PCDHA10: variants seen among roughly 807,000 people sequenced by gnomAD.
The protein encoded by PCDHA10 is protocadherin alpha-10.
A neutral mutation model predicts 61.2 loss-of-function variants in PCDHA10; 45 were observed. The ratio of observed to expected loss-of-function variants is 0.74; its 90% confidence interval spans 0.58 to 0.94. PCDHA10 has a LOEUF of 0.94. PCDHA10 is among the 40% of genes least tolerant of loss of function. The pLI is 0.00. For synonymous variants in PCDHA10, 602 were observed against 548.8 expected, an observed-to-expected ratio of 1.10 and a Z score of -1.35; for missense variants, 1,278 against 1,236.2, an observed-to-expected ratio of 1.03 and a Z score of -0.51.
intron 1 of PCDHA10, chr5:140,871,192 G>C (rs1582019516): frequency 6.2e-7 from 1 of 1,613,550 alleles, no homozygotes; most frequent in Non-Finnish European, 8.5e-7. Context: ...GGATGTCAAC[G>C]TGTACCTGAT....
chr5:140,858,158 G>C lies in PCDHA10; in HGVS notation c.2110G>C (p.Ala704Pro). ...VNVYLIIAIC[A>P]VSSLLVLTLL... ...CGTGTACCTGATCATCGCCATCTGC[G>C]CGGTGTCCAGCTTGCTGGTGCTCAC... is the stretch of plus-strand genomic sequence containing the variant. The change falls in exon 1 of 4, where the codon GCG becomes CCG. Residue 704 changes from alanine to proline, a missense_variant. Coordinates refer to ENST00000307360, the MANE Select transcript of PCDHA10 (RefSeq NM_018901.4). 6.3e-7 allele frequency: 1 copy of C among 1,597,732 alleles called. No homozygotes were observed. Among genetic ancestry groups the C allele is most frequent in the Non-Finnish European group, 8.6e-7 (1 of 1,167,532 alleles).
At chr5:140,882,339 G>A (rs1554173610) in intron 1 of PCDHA10, 1 of 1,614,162 alleles carries the variant, frequency 6.2e-7, no homozygotes, top group Admixed American at 1.7e-5. Flanking sequence ...CTCGCAGCCT[G>A]GGAGACGGGT....
At chr5:140,869,391 C>CG (rs2051094995) in intron 1 of PCDHA10, 1 of 1,614,020 alleles carries the variant, frequency 6.2e-7, no homozygotes, top group Non-Finnish European at 8.5e-7. Context: ...AGGAGCTGTG[C>CG]GGGCAGAGCG....
intron 1 of PCDHA10, among the ~76,000 whole-genome samples, chr5:140,909,761 TC>T (rs1308608657): frequency 1.3e-5 from 2 of 152,052 alleles, no homozygotes; most frequent in Admixed American, 6.5e-5. Context: ...ACAGGATGAG[TC>T]CAGGGACCCA....
At chr5:140,863,090 C>G (rs782806970) in intron 1 of PCDHA10, 1 of 575,070 alleles carries the variant, frequency 1.7e-6, no homozygotes, top group African/African-American at 1.9e-5. Flanking sequence ...GAGATCAGCA[C>G]GACGAGTACC....
At chr5:140,992,533 C>T (rs1292844643) in intron 3 of PCDHA10, among the ~76,000 whole-genome samples, 1 of 152,188 alleles carries the variant, frequency 6.6e-6, no homozygotes, top group Non-Finnish European at 1.5e-5. Context: ...GGAAAAGTCA[C>T]TGTCACAAGT....
intron 1 of PCDHA10, chr5:140,870,939 G>C (rs555504652): frequency 6.2e-7 from 1 of 1,613,732 alleles, no homozygotes; most frequent in South Asian, 1.1e-5. Flanking sequence ...AATTGCAGCC[G>C]GCGGCGGGCG....
intron 1 of PCDHA10, chr5:140,869,568 G>C (rs1554163237): frequency 6.2e-7 from 1 of 1,614,168 alleles, no homozygotes; most frequent in East Asian, 2.2e-5. Context: ...TTCCACTAGA[G>C]GGAGCTTCTG....
intron 1 of PCDHA10, among the ~76,000 whole-genome samples, chr5:140,923,038 T>C (rs529637754): frequency 1.2e-4 from 19 of 152,316 alleles, no homozygotes; most frequent in Admixed American, 1.0e-3. Context: ...TTACTACATG[T>C]ATAGTATTTA....
intron 1 of PCDHA10, among the ~76,000 whole-genome samples, chr5:140,971,297 T>C (rs1246980755): frequency 4.6e-5 from 7 of 152,222 alleles, no homozygotes; most frequent in Non-Finnish European, 1.0e-4. Context: ...TGTACTTTGG[T>C]ACACAAACAT....
intron 1 of PCDHA10, chr5:140,877,193 G>C: frequency 6.2e-7 from 1 of 1,613,832 alleles, no homozygotes; most frequent in Non-Finnish European, 8.5e-7. Flanking sequence ...GGCAGCGCAG[G>C]AGGCGCAGTT....
chr5:140,990,825 AAGCCTATTAGCAAAAATAG>A (rs2097418390), intron 3 of PCDHA10, among the ~76,000 whole-genome samples: 1 of 152,202 alleles, frequency 6.6e-6, no homozygotes, highest in Non-Finnish European at 1.5e-5. Flanking sequence ...CTCTCAGCTA[AAGCCTATTAGCAAAAATAG>A]AGCCCTGAGG....
intron 1 of PCDHA10, among the ~76,000 whole-genome samples, chr5:140,961,096 G>A (rs1040764862): frequency 3.9e-5 from 6 of 152,222 alleles, no homozygotes; most frequent in Admixed American, 3.3e-4. Flanking sequence ...TGACTTTTTG[G>A]TCACCCAACC....
intron 1 of PCDHA10, chr5:140,871,080 G>A: frequency 6.2e-7 from 1 of 1,613,212 alleles, no homozygotes; most frequent in Non-Finnish European, 8.5e-7. Flanking sequence ...CGGCGCTGAC[G>A]GCCACGGCCA....
intron 1 of PCDHA10, chr5:140,861,823 G>A (rs2047101556): frequency 1.3e-5 from 2 of 159,302 alleles, no homozygotes; most frequent in Non-Finnish European, 2.7e-5. Flanking sequence ...TTTCAGATAG[G>A]TAAGTCACTT....
intron 1 of PCDHA10, among the ~76,000 whole-genome samples, chr5:140,930,742 A>G (rs2087064675): frequency 6.6e-6 from 1 of 152,216 alleles, no homozygotes; most frequent in Non-Finnish European, 1.5e-5. Context: ...AATAAAATAA[A>G]TTTACATATG....
chr5:140,860,428 T>C (rs1198179293), intron 1 of PCDHA10: 11 of 152,026 alleles, frequency 7.2e-5, no homozygotes, highest in Admixed American at 6.5e-4. Flanking sequence ...ATCCTGCAAA[T>C]ATGATCTTTT....
chr5:140,858,822 T>C (rs1334522952), intron 1 of PCDHA10: 2 of 340,086 alleles, frequency 5.9e-6, no homozygotes, highest in Non-Finnish European at 1.1e-5. Context: ...TGATTGTATT[T>C]GCATTACCAA....
At chr5:140,927,780 T>C (rs1189193877) in intron 1 of PCDHA10, 5 of 1,614,090 alleles carry the variant, frequency 3.1e-6, no homozygotes, top group African/African-American at 1.3e-5. Flanking sequence ...TGCAAGTAGC[T>C]GCTTCACTAG....
Sources: gnomAD v4.1 joint callset for allele counts (sites outside exome capture counted in the v4.1 genomes callset) on GRCh38, gnomAD v4.1.1 for gene constraint, MANE v1.5 for transcripts, NCBI Gene and HGNC (gene_info 2026-07-23, HGNC 2026-07-21) for gene names.